Variants in LYSMD1 observed in about 807,000 individuals in gnomAD.
The protein encoded by LYSMD1 is LysM domain containing 1.
In LYSMD1, 9 loss-of-function variants were observed where a neutral mutation model predicts 19.3. The ratio of observed to expected loss-of-function variants is 0.47; its 90% CI spans 0.28 to 0.81. LYSMD1 has a LOEUF of 0.81. LYSMD1 is among the 40% of genes least tolerant of loss of function. The probability of loss-of-function intolerance (pLI) is 0.11; values close to 1 mark genes in which losing one functional copy is unlikely to be tolerated. For missense variants in LYSMD1, 262 were observed against 279.8 expected (o/e 0.94, Z 0.45); for synonymous variants, 111 against 111.7 (o/e 0.99, Z 0.04).
Position 151,161,787 on chromosome 1 carries a change from A to G in LYSMD1, c.494T>C (p.Ile165Thr). ...AGCAGCAGCCTTCTTGGACAGGCTG[A>G]TCTGTGAATCAAGCTTCTTAAGGAA... Reference protein sequence around the residue: ...SDFLKKLDSQISLSKKAAAQK... With the variant: ...SDFLKKLDSQTSLSKKAAAQK... Residue 165 changes from isoleucine (I) to threonine (T), a missense_variant, in exon 2 of 3, where the codon ATC (isoleucine) becomes ACC (threonine). Transcript: ENST00000368908. 1.9e-6 allele frequency: 3 copies of G among 1,613,312 alleles called. No homozygotes were observed. The highest frequency in any genetic ancestry group is 2.5e-6 in the Non-Finnish European group (3 of 1,179,808).
chr1:151,151,310 C>T, the LYSMD1 span, among the ~76,000 whole-genome samples: 1 of 151,882 alleles, frequency 6.6e-6, no homozygotes, highest in Non-Finnish European at 1.5e-5. Context: ...CTGCCTCAGC[C>T]TCCAGAGTAG....
At position 151,165,322 on chromosome 1, in the gene LYSMD1, A is replaced by C. The variant is rs1425641956; in HGVS notation, c.-64T>G. 1 of 1,562,924 alleles carries C rather than the reference A, an allele frequency of 6.4e-7. No homozygotes were observed. The highest frequency in any genetic ancestry group is 1.4e-5 in the African/African-American group (1 of 73,098). ...AGGTACGACCGAGACTGCGACTGAC[A>C]GGCCTGAAGTCTGGGAATGAATATT... On this transcript the variant is annotated 5_prime_UTR_variant, in exon 1 of 3. Transcript: ENST00000368908.
Position 151,165,888 on chromosome 1 carries a change from G to A in LYSMD1, c.-630C>T, listed in dbSNP as rs1683670917. On this transcript the variant is annotated 5_prime_UTR_variant, in exon 1 of 3. Transcript: ENST00000368908. ...GGGCCTGGATCCAGTTGAGCGGCAA[G>A]GTCTTTGAGAAAAGACTTCATTTCC... 9.8e-7 allele frequency: 1 copy of A among 1,025,482 alleles called. No individual in the cohort carries two copies. Among genetic ancestry groups the A allele is most frequent in the Non-Finnish European group, 1.5e-6 (1 of 673,828 alleles). The allele number at this position is 1,025,482 out of a possible 1,614,324, so 63.5% of individuals were successfully genotyped here. A position where few individuals can be genotyped will look rare whatever the true frequency, so the allele number is the denominator to read the frequency against.
Position 151,165,714 on chromosome 1 carries a change from A to G in LYSMD1, c.-456T>C, listed in dbSNP as rs1256481203. On this transcript the variant is annotated 5_prime_UTR_variant, in exon 1 of 3. Coordinates refer to ENST00000368908, the MANE Select transcript of LYSMD1 (RefSeq NM_212551.5). ...CCAGGTGAACTGTCGCCGCAGACGA[A>G]GAGCGTGAGGATTGCAAGAATTTGT... is the stretch of plus-strand genomic sequence containing the variant. 1.3e-6 allele frequency: 2 copies of G among 1,551,608 alleles called. No homozygotes were observed. The highest frequency in any genetic ancestry group is 1.7e-6 in the Non-Finnish European group (2 of 1,147,012).
chr1:151,152,856 C>A, the LYSMD1 span, among the ~76,000 whole-genome samples: 1 of 152,204 alleles, frequency 6.6e-6, no homozygotes, highest in Non-Finnish European at 1.5e-5. Flanking sequence ...GGTAAAACCT[C>A]ACCTAAAACA....
chr1:151,149,637 A>C, the LYSMD1 span, among the ~76,000 whole-genome samples: 1 of 151,096 alleles, frequency 6.6e-6, no homozygotes, highest in Non-Finnish European at 1.5e-5. Flanking sequence ...TGTAGTCCCA[A>C]CTACTGGGGA....
downstream of LYSMD1, among the ~76,000 whole-genome samples, chr1:151,155,543 A>C (rs1408260907): frequency 6.6e-6 from 1 of 152,040 alleles, no homozygotes; most frequent in Non-Finnish European, 1.5e-5. Context: ...CAGCCTGGGC[A>C]ACATAGTTAG....
chr1:151,152,573 G>A, the LYSMD1 span, among the ~76,000 whole-genome samples: 23 of 150,880 alleles, frequency 1.5e-4, no homozygotes, highest in South Asian at 1.0e-3. Context: ...GGGGGTGCGC[G>A]CCTGTAATCC....
downstream of LYSMD1, among the ~76,000 whole-genome samples, chr1:151,157,937 T>C (rs988569247): frequency 1.3e-5 from 2 of 152,190 alleles, no homozygotes; most frequent in Admixed American, 6.5e-5. Context: ...TTACTTAATG[T>C]AAGTATCATT....
chr1:151,158,961 C>T (rs2101682942), downstream of LYSMD1: 1 of 1,614,274 alleles, frequency 6.2e-7, no homozygotes, highest in South Asian at 1.1e-5. Context: ...CCCTGGCTAC[C>T]CGCTTTCGCC....
chr1:151,150,041 G>A, the LYSMD1 span, among the ~76,000 whole-genome samples: 1 of 152,108 alleles, frequency 6.6e-6, no homozygotes, highest in Admixed American at 6.6e-5. Context: ...TTTACTGTAA[G>A]TTGTATGCAG....
At chr1:151,155,521 A>C (rs1453070904), downstream of LYSMD1, among the ~76,000 whole-genome samples, 1 of 151,866 alleles carries the variant, frequency 6.6e-6, no homozygotes, top group Non-Finnish European at 1.5e-5. Context: ...GGATTGCTTG[A>C]GCTTAGAAGT....
At position 151,162,010 on chromosome 1, in the gene LYSMD1, TGG is replaced by T; in HGVS notation, c.269_270del (p.Pro90GlnfsTer10). 6.2e-7 allele frequency: 1 copy of T among 1,614,052 alleles called. No individual in the cohort carries two copies. Among genetic ancestry groups the T allele is most frequent in the South Asian group, 1.1e-5 (1 of 91,066 alleles). On this transcript the variant is annotated frameshift_variant, in exon 2 of 3. Transcript: ENST00000368908. LOFTEE classifies it high-confidence loss of function. Reference protein sequence around the residue: ...KTLYIPILTEPRDLFNGLDSE... With the variant: ...KTLYIPILTEXRDLFNGLDSE... ...GAGTCCAAACCATTGAACAGGTCTC[TGG>T]GCTCTGTCAGGATGGGGATGTAGAG... is the stretch of plus-strand genomic sequence containing the variant.
chr1:151,154,277 C>T, the LYSMD1 span, among the ~76,000 whole-genome samples: 9 of 152,020 alleles, frequency 5.9e-5, no homozygotes, highest in Non-Finnish European at 1.0e-4. Flanking sequence ...GCCAGGAGTT[C>T]GAGACCAGCC....
chr1:151,155,721 C>A (rs1683202515), downstream of LYSMD1, among the ~76,000 whole-genome samples: 1 of 152,070 alleles, frequency 6.6e-6, no homozygotes, highest in African/African-American at 2.4e-5. Context: ...ATCTCAAAAA[C>A]AAAACAACAA....
intron 2 of LYSMD1, among the ~76,000 whole-genome samples, chr1:151,161,473 G>A (rs1683451513): frequency 6.6e-6 from 1 of 151,604 alleles, no homozygotes; most frequent in South Asian, 2.1e-4. Flanking sequence ...CTCCAGCCTG[G>A]GCAACAGAGC....
chr1:151,164,575 G>A lies in LYSMD1; in HGVS notation c.180+504C>T, dbSNP rs75241464. Among the ~76,000 whole-genome samples the A allele has an allele frequency of 7.6e-3, 1,163 of 152,260 alleles. 5 individuals carry two copies. Among genetic ancestry groups the A allele is most frequent in the Middle Eastern group, 0.034 (10 of 294 alleles). On this transcript the variant is annotated intron_variant, in intron 1 of 2. Coordinates refer to ENST00000368908, the MANE Select transcript of LYSMD1 (RefSeq NM_212551.5). The stretch of plus-strand genomic sequence containing the variant: ...TGGAAAGAAGGCAGAGCATTGAGGA[G>A]GAACCAAGAGCAAGGAGAGGTGGGC...
downstream of LYSMD1, chr1:151,159,154 C>G: frequency 1.9e-6 from 3 of 1,614,192 alleles, no homozygotes; most frequent in Non-Finnish European, 2.5e-6. Context: ...CTTCTCTGAC[C>G]CAGGTCTGCT....
At chr1:151,163,260 G>A (rs587707555) in intron 1 of LYSMD1, among the ~76,000 whole-genome samples, 24 of 151,624 alleles carry the variant, frequency 1.6e-4, no homozygotes, top group African/African-American at 5.8e-4. Flanking sequence ...TGTAAATATT[G>A]CTATAATAAT....
Sources: allele counts gnomAD v4.1 joint callset (sites outside exome capture counted in the v4.1 genomes callset), GRCh38; gene constraint gnomAD v4.1.1; transcripts MANE v1.5; gene names NCBI Gene and HGNC (gene_info 2026-07-23, HGNC 2026-07-21).